The following PPP2R2B variants were observed in gnomAD, a reference collection of about 807,000 sequenced individuals.
PPP2R2B encodes the protein serine/threonine-protein phosphatase 2A 55 kDa regulatory subunit B beta isoform.
In PPP2R2B, 5 loss-of-function variants were observed where a neutral mutation model predicts 46.0. The ratio of observed to expected loss-of-function variants is 0.11; its 90% CI spans 0.06 to 0.23. The LOEUF is 0.23. Ranked by LOEUF, PPP2R2B falls within the 10% of genes least tolerant of loss-of-function variation. The pLI is 1.00. For missense variants in PPP2R2B, 367 were observed against 575.0 expected (o/e 0.64, Z 3.70); for synonymous variants, 215 against 206.7 (o/e 1.04, Z -0.34).
intron 2 of PPP2R2B, among the ~76,000 whole-genome samples, chr5:146,711,939 A>T (rs1189022507): frequency 1.3e-5 from 2 of 152,204 alleles, no homozygotes; most frequent in Non-Finnish European, 2.9e-5. Flanking sequence ...CATCTCAGCC[A>T]TATCCTTGCA....
At chr5:146,985,812 T>C (rs1753402666) in intron 1 of PPP2R2B, among the ~76,000 whole-genome samples, 1 of 152,130 alleles carries the variant, frequency 6.6e-6, no homozygotes, top group African/African-American at 2.4e-5. Context: ...TAATTTTATA[T>C]AAAAATCCTA....
chr5:146,686,391 C>T (rs1050942082), intron 5 of PPP2R2B, among the ~76,000 whole-genome samples: 1 of 152,046 alleles, frequency 6.6e-6, no homozygotes, highest in Non-Finnish European at 1.5e-5. Flanking sequence ...CCTAGGAGGG[C>T]CTGATAGGTA....
chr5:146,755,991 TA>T (rs1292374106), intron 2 of PPP2R2B, among the ~76,000 whole-genome samples: 3 of 152,210 alleles, frequency 2.0e-5, no homozygotes, highest in Non-Finnish European at 4.4e-5. Flanking sequence ...ATGTATCATT[TA>T]AAAGCAGCCT....
At chr5:147,076,210 T>C (rs1165008680) in intron 2 of PPP2R2B, among the ~76,000 whole-genome samples, 1 of 152,142 alleles carries the variant, frequency 6.6e-6, no homozygotes, top group African/African-American at 2.4e-5. Flanking sequence ...GTAAATAAAC[T>C]AGGGTATATG....
intron 2 of PPP2R2B, among the ~76,000 whole-genome samples, chr5:146,769,683 C>T (rs546410741): frequency 4.6e-5 from 7 of 152,308 alleles, no homozygotes; most frequent in African/African-American, 1.7e-4. Flanking sequence ...ACCAATATTT[C>T]TTTCCATTCA....
chr5:146,818,729 G>A (rs55669605), intron 2 of PPP2R2B, among the ~76,000 whole-genome samples: 3,528 of 152,310 alleles, frequency 0.023, 38 homozygotes, highest in Middle Eastern at 0.044. Flanking sequence ...GATAGAGGAA[G>A]TAATGGTAGG....
chr5:146,726,059 A>AG, intron 2 of PPP2R2B, among the ~76,000 whole-genome samples: 1 of 152,298 alleles, frequency 6.6e-6, no homozygotes, highest in East Asian at 1.9e-4. Context: ...TGGTTTTGAT[A>AG]GTCAGTCCTA....
chr5:147,064,389 C>A (rs1757358054), intron 2 of PPP2R2B, among the ~76,000 whole-genome samples: 1 of 152,136 alleles, frequency 6.6e-6, no homozygotes, highest in African/African-American at 2.4e-5. Flanking sequence ...TAGCACACTT[C>A]CCATCCCCCA....
chr5:146,951,505 C>A (rs893351147), intron 1 of PPP2R2B, among the ~76,000 whole-genome samples: 1 of 151,980 alleles, frequency 6.6e-6, no homozygotes, highest in Non-Finnish European at 1.5e-5. Flanking sequence ...TGCTCTCCCC[C>A]ATCTCCCGAC....
At chr5:146,919,173 T>C (rs559376034) in intron 1 of PPP2R2B, among the ~76,000 whole-genome samples, 2 of 152,318 alleles carry the variant, frequency 1.3e-5, no homozygotes, top group Admixed American at 6.5e-5. Flanking sequence ...TCAAAACCCA[T>C]GTTCACAATT....
intron 2 of PPP2R2B, among the ~76,000 whole-genome samples, chr5:146,809,785 A>G (rs1757413011): frequency 6.6e-6 from 1 of 152,218 alleles, no homozygotes; most frequent in South Asian, 2.1e-4. Flanking sequence ...AGATCACTCT[A>G]GCTAAAGTGT....
At chr5:147,078,365 A>T (rs1195748734) in intron 2 of PPP2R2B, among the ~76,000 whole-genome samples, 1 of 152,210 alleles carries the variant, frequency 6.6e-6, no homozygotes, top group Non-Finnish European at 1.5e-5. Context: ...AATTGATGGG[A>T]AGCCAGTCAC....
intron 2 of PPP2R2B, among the ~76,000 whole-genome samples, chr5:146,748,599 C>T (rs979711441): frequency 1.3e-5 from 2 of 152,182 alleles, no homozygotes; most frequent in Non-Finnish European, 2.9e-5. Context: ...TTAGTGGTCA[C>T]CTGGGGTTAA....
chr5:147,037,353 A>C (rs1186161855), intron 1 of PPP2R2B, among the ~76,000 whole-genome samples: 3 of 152,066 alleles, frequency 2.0e-5, no homozygotes, highest in African/African-American at 7.2e-5. Flanking sequence ...GTTAGGCAAA[A>C]AAAAGTAGGA....
intron 1 of PPP2R2B, chr5:146,914,093 G>T (rs1763287461): frequency 9.1e-6 from 1 of 109,926 alleles, no homozygotes; most frequent in Non-Finnish European, 1.6e-5. Context: ...AGAAAAGAGG[G>T]TTTCTTTGAA....
At chr5:146,632,371 A>G (rs1460044272) in intron 7 of PPP2R2B, among the ~76,000 whole-genome samples, 1 of 152,218 alleles carries the variant, frequency 6.6e-6, no homozygotes, top group African/African-American at 2.4e-5. Context: ...TCCAGCCTCC[A>G]GAACTTTGAA....
At position 146,977,488 on chromosome 5, in the gene PPP2R2B, CTACAT is replaced by C. The variant is rs1166912856; in HGVS notation, c.79+78172_79+78176del. On this transcript the variant is annotated intron_variant, in intron 1 of 8. Coordinates refer to the PPP2R2B transcript ENST00000336640. The stretch of plus-strand genomic sequence containing the variant: ...TTTGTTGCACCCATCAACCCATCAT[CTACAT>C]TAGGTATTTCTCCGCATGCTATCCC... Among the ~76,000 whole-genome samples the C allele has an allele frequency of 8.5e-5, 13 of 152,178 alleles. No homozygotes were observed. The East Asian group carries it at 2.3e-3, about 27-fold the overall frequency.
chr5:146,901,646 C>G (rs1203631386), intron 1 of PPP2R2B, among the ~76,000 whole-genome samples: 4 of 152,182 alleles, frequency 2.6e-5, no homozygotes, highest in Admixed American at 2.6e-4. Flanking sequence ...CACAAATTCC[C>G]TATCCTCATG....
chr5:146,743,341 C>T (rs138502622), intron 2 of PPP2R2B, among the ~76,000 whole-genome samples: 2 of 152,224 alleles, frequency 1.3e-5, no homozygotes, highest in East Asian at 3.9e-4. Context: ...TTATATATTC[C>T]CTTCATGTGT....
Sources: gnomAD v4.1 joint callset for allele counts (sites outside exome capture counted in the v4.1 genomes callset) on GRCh38, gnomAD v4.1.1 for gene constraint, MANE v1.5 for transcripts, NCBI Gene and HGNC (gene_info 2026-07-23, HGNC 2026-07-21) for gene names.